SETD1A: variants seen among roughly 807,000 people sequenced by gnomAD.
The protein encoded by SETD1A is histone-lysine N-methyltransferase SETD1A.
In SETD1A, 29 loss-of-function variants were observed where a neutral mutation model predicts 149.9. That is an observed-to-expected ratio of 0.19 (90% CI 0.14 to 0.26). The LOEUF is 0.26. Among genes scored for constraint, SETD1A ranks in the 10% least tolerant of loss-of-function variants. SETD1A has a pLI of 1.00. For missense variants in SETD1A, 2,109 were observed against 2,353.1 expected, an observed-to-expected ratio of 0.90 and a Z score of 2.15; for synonymous variants, 1,141 against 968.5, an observed-to-expected ratio of 1.18 and a Z score of -3.31.
Position 30,967,445 on chromosome 16 carries a change from T to TGCTC in SETD1A, c.2683-55_2683-52dup. The TGCTC allele has an allele frequency of 2.0e-6, 3 of 1,516,444 alleles. No homozygotes were observed. In the East Asian group the frequency reaches 6.8e-5, roughly 34 times the overall value. 93.9% of individuals were successfully genotyped at this position (1,516,444 alleles called of 1,614,324 possible). On this transcript the variant is annotated intron_variant, in intron 9 of 18. Coordinates refer to ENST00000262519, the MANE Select transcript of SETD1A (RefSeq NM_014712.3). Reference sequence around the variant, plus strand: ...CTGGGATTACAGGAGTGAGCCACCGTGCTCTGCCTGAGTGTTTGAGCTCTA... The same window carrying TGCTC: ...CTGGGATTACAGGAGTGAGCCACCGTGCTCGCTCTGCCTGAGTGTTTGAGCTCTA...
Position 30,979,215 on chromosome 16 carries a change from T to G in SETD1A, c.3429T>G (p.Pro1143=). Residue 1143 remains proline, a synonymous_variant, in exon 14 of 19, where the codon CCT becomes CCG. Transcript: ENST00000262519. ...AACCACCTGCTGGGCCCCCGGCCCC[T>G]GCCCCACGCCCCGATGAGCGTCCCT... ...PPEPPAGPPA[P]APRPDERPSS... is the part of the protein sequence containing the mutation. 8.8e-6 allele frequency: 11 copies of G among 1,245,576 alleles called. No individual in the cohort carries two copies. Among genetic ancestry groups the G allele is most frequent in the Non-Finnish European group, 6.4e-6 (6 of 930,830 alleles). The allele number at this position is 1,245,576 out of a possible 1,614,324, so 77.2% of individuals were successfully genotyped here.
At chr16:30,967,466 C>G (rs893631633) in intron 9 of SETD1A, 35 bp from the exon 10 acceptor site, 1 of 1,595,940 alleles carries the variant, frequency 6.3e-7, no homozygotes, top group South Asian at 1.1e-5. Context: ...AGTGTTTGAG[C>G]TCTAAACAGG....
chr16:30,967,627 G>T (rs74870279), intron 10 of SETD1A, 39 bp downstream of exon 10: 4 of 1,572,608 alleles, frequency 2.5e-6, no homozygotes, highest in Non-Finnish European at 3.5e-6. Context: ...GGTGTGCTGC[G>T]TGGGTTCTGA....
Position 30,983,931 on chromosome 16 carries a change from G to A in SETD1A, c.5032G>A (p.Glu1678Lys). ...IYSKQPIGVDEEITYDYKFPL... is the reference protein window; with the variant it reads ...IYSKQPIGVDKEITYDYKFPL... ...CTCCAAGCAGCCCATTGGCGTGGACGAGGAGATCACCTACGACTACAAGTT... is the reference window on the plus strand; with the variant it reads ...CTCCAAGCAGCCCATTGGCGTGGACAAGGAGATCACCTACGACTACAAGTT... The change falls in exon 19 of 19, where the codon GAG becomes AAG. Residue 1678 changes from glutamate (E) to lysine (K), a missense_variant. This residue lies in a region of SETD1A where 254 missense variants were observed against 409.3 expected (regional missense o/e 0.62). Transcript: ENST00000262519. The surrounding 1 kb of genome is among the most constrained non-coding windows in gnomAD (Gnocchi z 6.8). The A allele has an allele frequency of 6.2e-7, 1 of 1,613,990 alleles. No homozygotes were observed. Among genetic ancestry groups the A allele is most frequent in the Non-Finnish European group, 8.5e-7 (1 of 1,179,938 alleles).
intron 12 of SETD1A, 23 bp from the exon 13 acceptor site, chr16:30,971,355 G>A (rs1257702142): frequency 6.4e-7 from 1 of 1,560,032 alleles, no homozygotes; most frequent in Non-Finnish European, 8.7e-7. Flanking sequence ...CACCTCTCCT[G>A]ACTGCCCCTT....
chr16:30,963,219 C>T (rs1222736830), intron 4 of SETD1A, among the ~76,000 whole-genome samples: 4 of 152,042 alleles, frequency 2.6e-5, no homozygotes, highest in Non-Finnish European at 4.4e-5. Flanking sequence ...TTTGATAAAT[C>T]GTGAAGTGTC....
intron 13 of SETD1A, among the ~76,000 whole-genome samples, chr16:30,975,280 A>T (rs2056271048): frequency 6.6e-6 from 1 of 152,044 alleles, no homozygotes; most frequent in African/African-American, 2.4e-5. Context: ...ACTGCACTCC[A>T]GCCTGGGCGA....
At chr16:30,969,732 G>A in intron 12 of SETD1A, 43 bp downstream of exon 12, 2 of 1,516,358 alleles carry the variant, frequency 1.3e-6, no homozygotes, top group Non-Finnish European at 1.8e-6. Context: ...TCGGAGGAGG[G>A]GTTCGGCTGC....
In SETD1A at chr16:30,979,931, G is replaced by A; in HGVS notation, c.4145G>A (p.Ser1382Asn). 1 of 1,534,506 alleles carries A rather than the reference G, an allele frequency of 6.5e-7. No homozygotes were observed. Among genetic ancestry groups the A allele is most frequent in the East Asian group, 2.5e-5 (1 of 40,720 alleles). Residue 1382 changes from serine to asparagine, a missense_variant, in exon 14 of 19, where the codon AGC (serine) becomes AAC (asparagine). Physicochemically the swap from Ser to Asn is conservative, Grantham distance 46 (BLOSUM62 1). This residue lies in a region of SETD1A where 832 missense variants were observed against 815.6 expected (regional missense o/e 1.02). Transcript: ENST00000262519. ...GAGGAGTCCTCTGACAGCAGCAGCA[G>A]CAGCGATGGGGAGGGCGCCCTCCGG... ...EEEESSDSSS[S>N]SDGEGALRRR...
chr16:30,969,567 CT>C, intron 11 of SETD1A, 34 bp from the exon 12 acceptor site: 1 of 1,607,366 alleles, frequency 6.2e-7, no homozygotes. Flanking sequence ...CAGTTGTCCC[CT>C]TCCTGTTAGT....
chr16:30,967,823 C>T (rs897829158), intron 10 of SETD1A, among the ~76,000 whole-genome samples: 5 of 152,118 alleles, frequency 3.3e-5, no homozygotes, highest in Non-Finnish European at 7.3e-5. Context: ...TGGGTTTTTC[C>T]ATCCATGAAA....
rs375588836 is a variant in SETD1A at position 30,980,680 on chromosome 16, G to A, written c.4581+23G>A. Reference sequence around the variant, plus strand: ...CAGGTGGGCCTAACCCCGCCGCCGCGTCCTCCTGCCACTCACTTCCCTGCC... The same window carrying A: ...CAGGTGGGCCTAACCCCGCCGCCGCATCCTCCTGCCACTCACTTCCCTGCC... On this transcript the variant is annotated intron_variant, in intron 15 of 18. Coordinates refer to ENST00000262519, the MANE Select transcript of SETD1A (RefSeq NM_014712.3). This position sits in a 1 kb window ranked among gnomAD's most constrained non-coding sequence, Gnocchi z 7.7. The A allele has an allele frequency of 3.3e-5, 53 of 1,609,868 alleles. No individual in the cohort carries two copies. In the Middle Eastern group the frequency reaches 8.3e-4, roughly 25 times the overall value.
At chr16:30,959,320 C>T (rs2056013816) in intron 3 of SETD1A, 134 bp downstream of exon 3, 1 of 699,070 alleles carries the variant, frequency 1.4e-6, no homozygotes, top group African/African-American at 1.8e-5. Context: ...GGCTGTGAGA[C>T]TCAGTTGTTT....
chr16:30,967,351 ACT>A (rs2056162335), intron 9 of SETD1A, 148 bp from the exon 10 acceptor site: 1 of 739,540 alleles, frequency 1.4e-6, no homozygotes, highest in Admixed American at 2.3e-5. Context: ...CTGGGGTTTC[ACT>A]GTGTTGGCCA....
In SETD1A at chr16:30,980,320, T is replaced by A; in HGVS notation, c.4408+126T>A. 1 of 1,435,812 alleles carries A rather than the reference T, an allele frequency of 7.0e-7. No individual in the cohort carries two copies. Among genetic ancestry groups the A allele is most frequent in the South Asian group, 1.4e-5 (1 of 71,026 alleles). 88.9% of individuals were successfully genotyped at this position (1,435,812 alleles called of 1,614,324 possible). On this transcript the variant is annotated intron_variant, in intron 14 of 18. Coordinates refer to ENST00000262519, the MANE Select transcript of SETD1A (RefSeq NM_014712.3). The surrounding 1 kb of genome is among the most constrained non-coding windows in gnomAD (Gnocchi z 7.7). ...CAAGCCATCTTTTCTCTCCTCCTGG[T>A]GCCTCTTTTCTGCCTTCCAAAGCAT...
chr16:30,981,014 G>A (rs1385435725), intron 16 of SETD1A, 47 bp from the exon 17 acceptor site: 2 of 1,611,124 alleles, frequency 1.2e-6, no homozygotes, highest in South Asian at 2.2e-5. Flanking sequence ...GTGAGGGTCT[G>A]GGGTGTGGGA....
In SETD1A at chr16:30,964,709, G is replaced by C; in HGVS notation, c.967G>C (p.Ala323Pro). 1 of 1,614,060 alleles carries C rather than the reference G, an allele frequency of 6.2e-7. No individual in the cohort carries two copies. The highest frequency in any genetic ancestry group is 2.2e-5 in the East Asian group (1 of 44,884). The change falls in exon 7 of 19, where the codon GCC becomes CCC. Residue 323 changes from alanine (A) to proline (P), a missense_variant. Physicochemically the swap from Ala to Pro is conservative, Grantham distance 27. Around this residue, in one of 8 missense-constraint regions of SETD1A, gnomAD observed 410 missense variants for 394.8 expected, o/e 1.04. Coordinates refer to ENST00000262519, the MANE Select transcript of SETD1A (RefSeq NM_014712.3). ...CTCTGCATCTTCAGCCTCCACAACCGCCTCCACGGCCATCGCCGCCACCAC... is the reference window on the plus strand; with the variant it reads ...CTCTGCATCTTCAGCCTCCACAACCCCCTCCACGGCCATCGCCGCCACCAC... ...HFSASSASTTASTAIAATTAA... is the reference protein window; with the variant it reads ...HFSASSASTTPSTAIAATTAA...
In SETD1A at chr16:30,965,390, G is replaced by A. The variant is rs1567352887; in HGVS notation, c.1648G>A (p.Asp550Asn). 2 of 1,608,434 alleles carry A rather than the reference G, an allele frequency of 1.2e-6. No individual in the cohort carries two copies. Among genetic ancestry groups the A allele is most frequent in the Non-Finnish European group, 1.7e-6 (2 of 1,176,020 alleles). The change falls in exon 7 of 19, where the codon GAT (aspartate) becomes AAT (asparagine). Residue 550 changes from aspartate to asparagine, a missense_variant. Around this residue, in one of 8 missense-constraint regions of SETD1A, gnomAD observed 431 missense variants for 388.6 expected, o/e 1.11. Transcript: ENST00000262519. ...CCCTCCGGCCCCAGCTAATTTTGAGGATGTGGCACCTACAGGGAGCGGGGA... is the reference window on the plus strand; with the variant it reads ...CCCTCCGGCCCCAGCTAATTTTGAGAATGTGGCACCTACAGGGAGCGGGGA... ...TPPPAPANFE[D>N]VAPTGSGEPG...
intron 6 of SETD1A, 38 bp downstream of exon 6, chr16:30,964,361 G>C (rs1290284442): frequency 1.3e-6 from 2 of 1,525,226 alleles, no homozygotes; most frequent in Admixed American, 1.7e-5. Context: ...CGCCCGCAAA[G>C]TCTGGGAGCT....
Sources: gnomAD v4.1 joint callset for allele counts (sites outside exome capture counted in the v4.1 genomes callset) on GRCh38, gnomAD v4.1.1 for gene constraint, gnomAD v4.1.1 regional missense constraint, Gnocchi (gnomAD v3.1) non-coding constraint, MANE v1.5 for transcripts, NCBI Gene and HGNC (gene_info 2026-07-23, HGNC 2026-07-21) for gene names.